The following LRRC37A2 variants were observed in gnomAD, a reference collection of about 807,000 sequenced individuals.
The protein encoded by LRRC37A2 is leucine-rich repeat-containing protein 37A2.
A neutral mutation model predicts 68.8 loss-of-function variants in LRRC37A2; 9 were observed. That is an observed-to-expected ratio of 0.13 (90% CI 0.08 to 0.23). The LOEUF (loss-of-function observed/expected upper bound fraction) is 0.23. Among genes scored for constraint, LRRC37A2 ranks in the 10% least tolerant of loss-of-function variants. The probability of loss-of-function intolerance (pLI) is 1.00; values close to 1 mark genes in which losing one functional copy is unlikely to be tolerated. For synonymous variants in LRRC37A2, 63 were observed against 367.6 expected (o/e 0.17, Z 9.48); for missense variants, 168 against 950.4 (o/e 0.18, Z 10.82).
chr17:46,774,335 A>T, the LRRC37A2 span, among the ~76,000 whole-genome samples: 2 of 152,222 alleles, frequency 1.3e-5, no homozygotes, highest in East Asian at 3.9e-4. Flanking sequence ...GGACACTTCC[A>T]GTGACTCATG....
At chr17:46,830,695 C>G in the LRRC37A2 span, 2 of 398,466 alleles carry the variant, frequency 5.0e-6, no homozygotes, top group Non-Finnish European at 8.8e-6. Flanking sequence ...CTTTTGGGAG[C>G]ATTTTGATGG....
the LRRC37A2 span, among the ~76,000 whole-genome samples, chr17:46,913,576 A>G: frequency 6.6e-6 from 1 of 152,320 alleles, no homozygotes; most frequent in African/African-American, 2.4e-5. Flanking sequence ...CAAAGGCCAG[A>G]AGACACAAAG....
chr17:46,903,272 A>C, the LRRC37A2 span, among the ~76,000 whole-genome samples: 1 of 116,790 alleles, frequency 8.6e-6, no homozygotes. Context: ...CAAGAGTGTG[A>C]CTCTGTCTCA....
chr17:46,951,434 G>T, the LRRC37A2 span, among the ~76,000 whole-genome samples: 2 of 152,292 alleles, frequency 1.3e-5, no homozygotes, highest in South Asian at 2.1e-4. Context: ...CCCAGCTGCC[G>T]CGCCAGCCCA....
chr17:46,973,882 A>T, the LRRC37A2 span, among the ~76,000 whole-genome samples: 16,472 of 151,944 alleles, frequency 0.11, 996 homozygotes, highest in Admixed American at 0.16. Flanking sequence ...TTTCTGCTGT[A>T]CCCGCCACCT....
At chr17:46,875,191 G>T in the LRRC37A2 span, 1 of 1,613,990 alleles carries the variant, frequency 6.2e-7, no homozygotes, top group Non-Finnish European at 8.5e-7. Context: ...CGCATGGAGC[G>T]CTGCACCTGT....
At chr17:46,934,791 C>T in the LRRC37A2 span, among the ~76,000 whole-genome samples, 2 of 152,116 alleles carry the variant, frequency 1.3e-5, no homozygotes, top group African/African-American at 4.8e-5. Context: ...TTGGAATGAA[C>T]GATACTTGTG....
At chr17:46,834,583 T>C in the LRRC37A2 span, among the ~76,000 whole-genome samples, 1 of 152,154 alleles carries the variant, frequency 6.6e-6, no homozygotes. Flanking sequence ...CAAGCAAATA[T>C]ACCTCCTGGG....
chr17:46,548,680 G>A (rs1381851433), exon 10 of LRRC37A2: 2 of 1,608,340 alleles, frequency 1.2e-6, no homozygotes, highest in Admixed American at 1.7e-5. Context: ...GCACTTCAAA[G>A]AGGTAGGAAG....
At chr17:47,001,139 G>A in the LRRC37A2 span, among the ~76,000 whole-genome samples, 1 of 152,038 alleles carries the variant, frequency 6.6e-6, no homozygotes, top group Non-Finnish European at 1.5e-5. Context: ...CCCGGTGTTC[G>A]GGGACCAACA....
chr17:46,691,424 G>A, the LRRC37A2 span, among the ~76,000 whole-genome samples: 58 of 114,260 alleles, frequency 5.1e-4, no homozygotes, highest in African/African-American at 5.4e-4. Context: ...GTGAAACCCC[G>A]TCTCTACTAA....
At chr17:46,861,673 A>T in the LRRC37A2 span, among the ~76,000 whole-genome samples, 2 of 152,136 alleles carry the variant, frequency 1.3e-5, no homozygotes, top group Admixed American at 6.5e-5. Context: ...TCTACACCCA[A>T]GCCCCTCATT....
chr17:46,949,539 T>C, the LRRC37A2 span, among the ~76,000 whole-genome samples: 3 of 152,114 alleles, frequency 2.0e-5, no homozygotes, highest in African/African-American at 7.2e-5. Flanking sequence ...TGGGATGGAA[T>C]TGACACGGTG....
chr17:46,823,047 TAATAAATATGTATTTATAATA>T, the LRRC37A2 span, among the ~76,000 whole-genome samples: 2 of 141,628 alleles, frequency 1.4e-5, no homozygotes, highest in African/African-American at 5.2e-5. Context: ...TATGTATTTA[TAATAAATATGTATTTATAATA>T]AATATGTATT....
chr17:46,922,308 G>A, the LRRC37A2 span, among the ~76,000 whole-genome samples: 6 of 152,034 alleles, frequency 3.9e-5, no homozygotes, highest in Admixed American at 3.9e-4. Context: ...ACAGGAAGGG[G>A]GACATCACAC....
the LRRC37A2 span, among the ~76,000 whole-genome samples, chr17:46,925,502 GA>G: frequency 6.6e-6 from 1 of 152,154 alleles, no homozygotes; most frequent in Non-Finnish European, 1.5e-5. Context: ...TCTGGTTCTA[GA>G]CCTCCTTACT....
chr17:46,753,323 G>A, the LRRC37A2 span, among the ~76,000 whole-genome samples: 1 of 152,110 alleles, frequency 6.6e-6, no homozygotes, highest in East Asian at 1.9e-4. Flanking sequence ...ATAACAAATT[G>A]GAAACGTGAA....
the LRRC37A2 span, among the ~76,000 whole-genome samples, chr17:46,760,700 C>T: frequency 1.3e-5 from 2 of 150,812 alleles, no homozygotes; most frequent in East Asian, 1.9e-4. Context: ...TAAGTTCAGT[C>T]GAGCATCCCT....
At chr17:46,930,876 G>A in the LRRC37A2 span, 2 of 477,138 alleles carry the variant, frequency 4.2e-6, no homozygotes, top group East Asian at 7.1e-5. Context: ...TAAAAAATTG[G>A]CATTGTTATG....
Sources: gnomAD v4.1 joint callset for allele counts (sites outside exome capture counted in the v4.1 genomes callset) on GRCh38, gnomAD v4.1.1 for gene constraint, MANE v1.5 for transcripts, NCBI Gene and HGNC (gene_info 2026-07-23, HGNC 2026-07-21) for gene names.